The following AASDHPPT variants were observed in gnomAD, a reference collection of about 807,000 sequenced individuals.
The protein encoded by AASDHPPT is L-aminoadipate-semialdehyde dehydrogenase-phosphopantetheinyl transferase.
A neutral mutation model predicts 36.4 loss-of-function variants in AASDHPPT; 23 were observed. That is an observed-to-expected ratio of 0.63 (90% CI 0.45 to 0.89). AASDHPPT has a LOEUF of 0.89. Ranked by LOEUF, AASDHPPT falls within the 40% of genes least tolerant of loss-of-function variation. The pLI, the probability that AASDHPPT is intolerant of heterozygous loss-of-function variation, is 0.00. For synonymous variants in AASDHPPT, 115 were observed against 128.0 expected, an observed-to-expected ratio of 0.90 and a Z score of 0.68; for missense variants, 377 against 378.2, an observed-to-expected ratio of 1.00 and a Z score of 0.03.
At chr11:106,087,335 C>A (rs1164965558) in intron 2 of AASDHPPT, among the ~76,000 whole-genome samples, 1 of 151,674 alleles carries the variant, frequency 6.6e-6, no homozygotes, top group Non-Finnish European at 1.5e-5. Context: ...CATACTAACT[C>A]ATATCTTAGA....
intron 1 of AASDHPPT, among the ~76,000 whole-genome samples, chr11:106,078,613 T>C (rs1861094407): frequency 6.6e-6 from 1 of 152,230 alleles, no homozygotes; most frequent in Non-Finnish European, 1.5e-5. Flanking sequence ...TGAAACACTT[T>C]CTGTTTGAAA....
chr11:106,078,616 G>A (rs1213606005), intron 1 of AASDHPPT, among the ~76,000 whole-genome samples: 1 of 152,120 alleles, frequency 6.6e-6, no homozygotes, highest in Non-Finnish European at 1.5e-5. Context: ...AACACTTTCT[G>A]TTTGAAATGT....
At chr11:106,085,865 T>C (rs1861192142) in intron 2 of AASDHPPT, 1 of 152,238 alleles carries the variant, frequency 6.6e-6, no homozygotes, top group Non-Finnish European at 1.5e-5. Flanking sequence ...AGGTTGAGTA[T>C]CCCTAGTGGG....
At chr11:106,086,220 G>C (rs1051426304) in intron 2 of AASDHPPT, 4 of 152,260 alleles carry the variant, frequency 2.6e-5, no homozygotes, top group Admixed American at 6.5e-5. Context: ...GCAGGGCCAT[G>C]GTCTCTCTGA....
At position 106,097,162 on chromosome 11, in the gene AASDHPPT, G is replaced by A. The variant is rs567435411; in HGVS notation, c.*255G>A. On this transcript the variant is annotated 3_prime_UTR_variant, in exon 6 of 6. Transcript: ENST00000278618. The stretch of plus-strand genomic sequence containing the variant: ...AATCTTAAAGTGATACATGCTAACT[G>A]TAGAAAAAAATAGAAAATGCACATA... The A allele has an allele frequency of 3.8e-4, 114 of 302,732 alleles. 1 individual carries two copies. The highest frequency in any genetic ancestry group is 2.3e-3 in the African/African-American group (105 of 45,920). 18.8% of individuals were successfully genotyped at this position (302,732 alleles called of 1,614,324 possible).
intron 2 of AASDHPPT, among the ~76,000 whole-genome samples, chr11:106,088,916 G>A (rs1011768929): frequency 6.6e-6 from 1 of 152,030 alleles, no homozygotes; most frequent in Non-Finnish European, 1.5e-5. Flanking sequence ...GAACTAAGAG[G>A]AGACTATTTT....
intron 2 of AASDHPPT, among the ~76,000 whole-genome samples, chr11:106,080,601 T>A (rs769930216): frequency 4.6e-5 from 7 of 152,182 alleles, no homozygotes; most frequent in African/African-American, 7.2e-5. Context: ...GTCATGGCAT[T>A]TTACATAGTG....
rs375255251 is a variant in AASDHPPT, at chr11:106,077,720, C to T, written c.10C>T (p.Pro4Ser). The change falls in exon 1 of 6, where the codon CCT (proline) becomes TCT (serine). Residue 4 changes from proline (P) to serine (S), a missense_variant. By Grantham distance (74) the Pro-to-Ser change is moderately conservative. Coordinates refer to ENST00000278618, the MANE Select transcript of AASDHPPT (RefSeq NM_015423.3). Reference protein sequence around the residue: MVFPAKRFCLVPSM... With the variant: MVFSAKRFCLVPSM... ...GGTCCGCTTTCAGTGTATGGTTTTCCCTGCCAAACGGTTCTGCTTGGTGCC... is the reference window on the plus strand; with the variant it reads ...GGTCCGCTTTCAGTGTATGGTTTTCTCTGCCAAACGGTTCTGCTTGGTGCC... The T allele has an allele frequency of 5.0e-6, 8 of 1,613,530 alleles. No individual in the cohort carries two copies. Among genetic ancestry groups the T allele is most frequent in the Non-Finnish European group, 6.8e-6 (8 of 1,179,668 alleles).
At chr11:106,084,779 G>A (rs1591543946) in intron 2 of AASDHPPT, among the ~76,000 whole-genome samples, 2 of 151,862 alleles carry the variant, frequency 1.3e-5, no homozygotes, top group South Asian at 2.1e-4. Context: ...CCAGGCACCC[G>A]CCACCTGGTA....
Position 106,087,834 on chromosome 11 carries a change from T to C in AASDHPPT, c.410-2723T>C, listed in dbSNP as rs539741941. On this transcript the variant is annotated intron_variant, in intron 2 of 5. Coordinates refer to ENST00000278618, the MANE Select transcript of AASDHPPT (RefSeq NM_015423.3). Reference sequence around the variant, plus strand: ...AAGATCAGGTTTTTCTAAATTTGACTGATGATTCTCTGTGTATGTAATGGT... The same window carrying C: ...AAGATCAGGTTTTTCTAAATTTGACCGATGATTCTCTGTGTATGTAATGGT... Among the ~76,000 whole-genome samples, 4 of 152,304 alleles carry C rather than the reference T, an allele frequency of 2.6e-5. No individual in the cohort carries two copies. The South Asian group carries it at 8.3e-4, about 32-fold the overall frequency.
intron 2 of AASDHPPT, among the ~76,000 whole-genome samples, chr11:106,088,543 A>C (rs562457865): frequency 6.8e-4 from 103 of 152,214 alleles, no homozygotes; most frequent in African/African-American, 2.4e-3. Flanking sequence ...TGATTTTTGT[A>C]GATATAGTGT....
At chr11:106,085,116 T>G (rs755051549) in intron 2 of AASDHPPT, among the ~76,000 whole-genome samples, 4 of 152,132 alleles carry the variant, frequency 2.6e-5, no homozygotes, top group Non-Finnish European at 4.4e-5. Flanking sequence ...TTGTTTGTTT[T>G]TTTTTGAGAC....
rs1259398532 is a variant in AASDHPPT at position 106,091,356 on chromosome 11, T to C, written c.572T>C (p.Leu191Pro). 4.3e-6 allele frequency: 7 copies of C among 1,609,816 alleles called. No homozygotes were observed. Among genetic ancestry groups the C allele is most frequent in the Non-Finnish European group, 5.9e-6 (7 of 1,178,356 alleles). The change falls in exon 4 of 6, where the codon CTA becomes CCA. Residue 191 changes from leucine to proline, a missense_variant. Leu to Pro is a moderately conservative substitution (Grantham distance 98, BLOSUM62 -3). Transcript: ENST00000278618. ...TTCATAAAAGCCATTGGTGTTGGAC[T>C]AGGATTTGAATTGCAGCGGCTTGAA... Reference protein sequence around the residue: ...ESFIKAIGVGLGFELQRLEFD... With the variant: ...ESFIKAIGVGPGFELQRLEFD...
At chr11:106,079,440 A>G in intron 1 of AASDHPPT, 27 bp from the exon 2 acceptor site, 1 of 1,555,786 alleles carries the variant, frequency 6.4e-7, no homozygotes. Context: ...ACATCAGTAC[A>G]TACCAAATGT....
intron 1 of AASDHPPT, among the ~76,000 whole-genome samples, chr11:106,078,757 C>G (rs1056515254): frequency 6.6e-6 from 1 of 152,062 alleles, no homozygotes; most frequent in African/African-American, 2.4e-5. Flanking sequence ...AGAAAAAAAC[C>G]TGAAAGATAT....
Position 106,083,976 on chromosome 11 carries a change from A to T in AASDHPPT, c.409+4284A>T, listed in dbSNP as rs117591939. On this transcript the variant is annotated intron_variant, in intron 2 of 5. Coordinates refer to ENST00000278618, the MANE Select transcript of AASDHPPT (RefSeq NM_015423.3). ...AAATAATAGAATAAGGAAAATTCTT[A>T]TAACAAATTTGGTAAGGTGTCAATA... 2.6e-5 allele frequency among the ~76,000 whole-genome samples: 4 copies of T among 152,268 alleles called. No homozygotes were observed. In the East Asian group the frequency reaches 7.7e-4, roughly 29 times the overall value.
At position 106,097,965 on chromosome 11, in the gene AASDHPPT, G is replaced by A. The variant is rs1861334282; in HGVS notation, c.*1058G>A. On this transcript the variant is annotated 3_prime_UTR_variant, in exon 6 of 6. Coordinates refer to ENST00000278618, the MANE Select transcript of AASDHPPT (RefSeq NM_015423.3). Reference sequence around the variant, plus strand: ...AAGCAGTGGCAGAGTGAATGTCCTTGTACATTTTGAGTTACATGCTTAATT... The same window carrying A: ...AAGCAGTGGCAGAGTGAATGTCCTTATACATTTTGAGTTACATGCTTAATT... 1 of 152,088 alleles carries A rather than the reference G, an allele frequency of 6.6e-6. No individual in the cohort carries two copies. The highest frequency in any genetic ancestry group is 2.4e-5 in the African/African-American group (1 of 41,444). 9.4% of individuals were successfully genotyped at this position (152,088 alleles called of 1,614,324 possible). A position where few individuals can be genotyped will look rare whatever the true frequency, so the allele number is the denominator to read the frequency against.
Position 106,090,486 on chromosome 11 carries a change from GTT to G in AASDHPPT, c.410-68_410-67del, listed in dbSNP as rs1861244124. On this transcript the variant is annotated intron_variant, in intron 2 of 5. Coordinates refer to ENST00000278618, the MANE Select transcript of AASDHPPT (RefSeq NM_015423.3). ...TCTTTGGGGGGTGCTGTCTTGAACA[GTT>G]TTAGTAATAGAGCAACTTTTTATTT... 7 of 1,310,382 alleles carry G rather than the reference GTT, an allele frequency of 5.3e-6. No homozygotes were observed. In the East Asian group the frequency reaches 1.4e-4, roughly 27 times the overall value. The allele number at this position is 1,310,382 out of a possible 1,614,324, so 81.2% of individuals were successfully genotyped here. A position where few individuals can be genotyped will look rare whatever the true frequency, so the allele number is the denominator to read the frequency against.
chr11:106,091,577 C>G, intron 4 of AASDHPPT, 100 bp downstream of exon 4: 2 of 1,182,952 alleles, frequency 1.7e-6, no homozygotes, highest in South Asian at 3.3e-5. Flanking sequence ...TTGGACGCAA[C>G]TGAATCCAGT....
Sources: allele counts gnomAD v4.1 joint callset (sites outside exome capture counted in the v4.1 genomes callset), GRCh38; gene constraint gnomAD v4.1.1; transcripts MANE v1.5; gene names NCBI Gene and HGNC (gene_info 2026-07-23, HGNC 2026-07-21).